ALPL: variants seen among roughly 807,000 people sequenced by gnomAD.
ALPL encodes alkaline phosphatase, tissue-nonspecific isozyme.
In ALPL, 42 loss-of-function variants were observed where a neutral mutation model predicts 51.3. The ratio of observed to expected loss-of-function variants is 0.82; its 90% CI spans 0.64 to 1.06. The LOEUF is 1.06. ALPL is among the 50% of genes least tolerant of loss of function. The pLI is 0.00. For missense variants in ALPL, 589 were observed against 709.4 expected (o/e 0.83, Z 1.93); for synonymous variants, 279 against 296.4 (o/e 0.94, Z 0.60).
rs188689330 is a variant in ALPL at position 21,568,199 on chromosome 1, C to T, written c.744C>T (p.Asp248=). 1.9e-4 allele frequency: 303 copies of T among 1,614,034 alleles called. 2 individuals carry two copies. The highest frequency in any genetic ancestry group is 1.3e-3 in the Middle Eastern group (8 of 6,060). ...SDEKARGTRL[D]GLDLVDTWKS... ...AGAAAGCCAGGGGCACGAGGCTGGA[C>T]GGCCTGGACCTCGTTGACACCTGGA... Residue 248 remains aspartate (D), a synonymous_variant, in exon 7 of 12, where the codon GAC becomes GAT. Coordinates refer to ENST00000374840, the MANE Select transcript of ALPL (RefSeq NM_000478.6).
chr1:21,574,259 T>C (rs1228207873), intron 9 of ALPL: 2 of 963,696 alleles, frequency 2.1e-6, no homozygotes, highest in Non-Finnish European at 2.5e-6. Context: ...GTGTGACCTC[T>C]ACCTGTGCAC....
chr1:21,546,174 ATGT>A (rs1225765166), intron 1 of ALPL, among the ~76,000 whole-genome samples: 1 of 152,116 alleles, frequency 6.6e-6, no homozygotes, highest in Non-Finnish European at 1.5e-5. Flanking sequence ...TATCACTAGG[ATGT>A]TGTGAGGATC....
intron 7 of ALPL, among the ~76,000 whole-genome samples, chr1:21,569,632 T>C (rs1644617877): frequency 1.3e-5 from 2 of 152,080 alleles, no homozygotes; most frequent in African/African-American, 2.4e-5. Flanking sequence ...CAACAGCCCC[T>C]GAGGCTTGCA....
intron 1 of ALPL, among the ~76,000 whole-genome samples, chr1:21,549,424 G>A (rs1012359736): frequency 6.6e-6 from 1 of 151,576 alleles, no homozygotes; most frequent in African/African-American, 2.4e-5. Context: ...TCCACCTCAC[G>A]CCTCAAAAGA....
Position 21,573,683 on chromosome 1 carries a change from A to C in ALPL, c.881A>C (p.Asp294Ala), listed in dbSNP as rs121918002. ...DYLLGLFEPGDMQYELNRNNV... is the reference protein window; with the variant it reads ...DYLLGLFEPGAMQYELNRNNV... ...TCCTCAGGTCTCTTCGAGCCAGGGG[A>C]CATGCAGTACGAGCTGAACAGGAAC... is the stretch of plus-strand genomic sequence containing the variant. The change falls in exon 9 of 12, where the codon GAC becomes GCC. Residue 294 changes from aspartate to alanine, a missense_variant. Coordinates refer to ENST00000374840, the MANE Select transcript of ALPL (RefSeq NM_000478.6). The C allele has an allele frequency of 1.2e-4, 186 of 1,613,606 alleles. No individual in the cohort carries two copies. The highest frequency in any genetic ancestry group is 1.5e-4 in the Non-Finnish European group (176 of 1,179,898).
At chr1:21,562,465 A>G (rs1446214692) in intron 4 of ALPL, among the ~76,000 whole-genome samples, 2 of 152,110 alleles carry the variant, frequency 1.3e-5, no homozygotes, top group Non-Finnish European at 2.9e-5. Context: ...TAACCTCCAG[A>G]CCCTGGGTCA....
chr1:21,516,476 T>C (rs546053487), intron 1 of ALPL, among the ~76,000 whole-genome samples: 1 of 152,222 alleles, frequency 6.6e-6, no homozygotes, highest in Admixed American at 6.5e-5. Context: ...GCCTTGCCTG[T>C]AATTACTATT....
At chr1:21,557,886 C>T (rs568312991) in intron 2 of ALPL, among the ~76,000 whole-genome samples, 1 of 152,320 alleles carries the variant, frequency 6.6e-6, no homozygotes, top group African/African-American at 2.4e-5. Flanking sequence ...GTGGGCTTCC[C>T]TGTGCCAACC....
intron 1 of ALPL, among the ~76,000 whole-genome samples, chr1:21,550,074 TGGA>T (rs1644301603): frequency 6.6e-6 from 1 of 152,122 alleles, no homozygotes; most frequent in African/African-American, 2.4e-5. Context: ...AACACAGTGG[TGGA>T]GGACAGATCA....
intron 1 of ALPL, among the ~76,000 whole-genome samples, chr1:21,548,553 C>T (rs576699671): frequency 2.0e-5 from 3 of 152,298 alleles, no homozygotes; most frequent in East Asian, 3.9e-4. Flanking sequence ...AGAGACAGAC[C>T]AATAACCGGA....
At chr1:21,561,300 G>C (rs1644481797) in intron 4 of ALPL, 88 bp downstream of exon 4, 1 of 1,200,516 alleles carries the variant, frequency 8.3e-7, no homozygotes, top group Non-Finnish European at 1.2e-6. Context: ...GAGGTCCCCT[G>C]ACCCCCTGAG....
intron 1 of ALPL, among the ~76,000 whole-genome samples, chr1:21,515,481 C>T (rs1780317): frequency 0.44 from 66,974 of 151,960 alleles, 15,473 homozygotes; most frequent in East Asian, 0.52. Flanking sequence ...CTCCGCCTCC[C>T]GGGTTCCAGA....
rs573382958 is a variant in ALPL at position 21,514,316 on chromosome 1, C to T, written c.-105+4799C>T. ...ACAGCCCCTGCAGGGAAGAGACTCC[C>T]TTGACAGCTTCCACCTTACCCCTTG... On this transcript the variant is annotated intron_variant, in intron 1 of 11. Coordinates refer to ENST00000374840, the MANE Select transcript of ALPL (RefSeq NM_000478.6). Among the ~76,000 whole-genome samples, 353 of 152,280 alleles carry T rather than the reference C, an allele frequency of 2.3e-3. 2 individuals are homozygous for T. The highest frequency in any genetic ancestry group is 4.4e-3 in the Non-Finnish European group (299 of 68,012).
rs1414998277 is a variant in ALPL at position 21,554,795 on chromosome 1, GTCTGTCTGTCTGTCTGTCTGTCTT to G, written c.61+657_61+680del. Reference sequence around the variant, plus strand: ...GTGAGCCACCGCGCCTGGCCTGTCTGTCTGTCTGTCTGTCTGTCTGTCTTTCTTTCTTTCTTTCTTTCTTTCTTT... The same window carrying G: ...GTGAGCCACCGCGCCTGGCCTGTCTGTCTTTCTTTCTTTCTTTCTTTCTTT... On this transcript the variant is annotated intron_variant, in intron 2 of 11. Transcript: ENST00000374840. 2.7e-3 allele frequency among the ~76,000 whole-genome samples: 107 copies of G among 38,982 alleles called. 2 individuals carry two copies. Among genetic ancestry groups the G allele is most frequent in the Non-Finnish European group, 4.0e-3 (81 of 20,080 alleles). The allele number at this position is 38,982 out of a possible 152,430, so 25.6% of individuals were successfully genotyped here.
intron 2 of ALPL, among the ~76,000 whole-genome samples, chr1:21,560,249 T>C (rs558980401): frequency 1.1e-4 from 17 of 152,354 alleles, no homozygotes; most frequent in African/African-American, 4.1e-4. Context: ...TTAATTGTGC[T>C]AGCACAATTC....
chr1:21,577,363 G>C lies in ALPL; in HGVS notation c.1310-20G>C, dbSNP rs1239467247. The C allele has an allele frequency of 6.2e-7, 1 of 1,613,152 alleles. No individual in the cohort carries two copies. The highest frequency in any genetic ancestry group is 1.1e-5 in the South Asian group (1 of 91,090). ...CAGGCCCCTGGCAGGCTCTCAGCAG[G>C]TGTTTCCCCTGGCCCACAGCTCACA... is the stretch of plus-strand genomic sequence containing the variant. On this transcript the variant is annotated intron_variant, in intron 11 of 11. Coordinates refer to ENST00000374840, the MANE Select transcript of ALPL (RefSeq NM_000478.6).
intron 1 of ALPL, among the ~76,000 whole-genome samples, chr1:21,547,829 A>G (rs1644272689): frequency 6.6e-6 from 1 of 152,182 alleles, no homozygotes; most frequent in South Asian, 2.1e-4. Context: ...ATGAGGGCCT[A>G]AGAAATGGTA....
intron 1 of ALPL, among the ~76,000 whole-genome samples, chr1:21,531,240 G>A (rs1644026569): frequency 6.6e-6 from 1 of 152,092 alleles, no homozygotes; most frequent in Non-Finnish European, 1.5e-5. Context: ...TTACAGGTGT[G>A]AGCCACGGCG....
chr1:21,524,959 C>T (rs1326248302), intron 1 of ALPL, among the ~76,000 whole-genome samples: 2 of 152,222 alleles, frequency 1.3e-5, no homozygotes, highest in Non-Finnish European at 2.9e-5. Context: ...AACTCAGAAA[C>T]GTAAGTGGGG....
Sources: gnomAD v4.1 joint callset for allele counts (sites outside exome capture counted in the v4.1 genomes callset) on GRCh38, gnomAD v4.1.1 for gene constraint, MANE v1.5 for transcripts, NCBI Gene and HGNC (gene_info 2026-07-23, HGNC 2026-07-21) for gene names.